Variants in MSRB3 observed in about 807,000 individuals in gnomAD.
MSRB3 encodes the protein methionine sulfoxide reductase B3, also known as methionine-R-sulfoxide reductase B3.
A neutral mutation model predicts 21.0 loss-of-function variants in MSRB3; 13 were observed. The ratio of observed to expected loss-of-function variants is 0.62; its 90% confidence interval spans 0.40 to 0.98. The LOEUF is 0.98. Ranked by LOEUF, MSRB3 falls within the 50% of genes least tolerant of loss-of-function variation. The pLI, the probability that MSRB3 is intolerant of heterozygous loss-of-function variation, is 0.00. For synonymous variants in MSRB3, 87 were observed against 88.6 expected, an observed-to-expected ratio of 0.98 and a Z score of 0.10; for missense variants, 199 against 230.3, an observed-to-expected ratio of 0.86 and a Z score of 0.88.
Position 65,281,400 on chromosome 12 carries a change from C to T in MSRB3, c.-52+2535C>T, listed in dbSNP as rs142985348. ...TTGTTTATGTAACTCTTCAGAGCCA[C>T]CTACTACATGTGGTTCAAACTTCTG... On this transcript the variant is annotated intron_variant, in intron 1 of 6. Coordinates refer to ENST00000308259, the MANE Select transcript of MSRB3 (RefSeq NM_001031679.3). Among the ~76,000 whole-genome samples the T allele has an allele frequency of 2.6e-3, 395 of 152,250 alleles. 4 individuals are homozygous for T. The highest frequency in any genetic ancestry group is 4.8e-3 in the Admixed American group (73 of 15,298).
intron 4 of MSRB3, 94 bp downstream of exon 4, chr12:65,328,697 T>A: frequency 2.4e-6 from 2 of 849,516 alleles, no homozygotes; most frequent in Non-Finnish European, 4.0e-6. Flanking sequence ...CATTGCTGAA[T>A]TTTCTTCTGT....
At chr12:65,279,159 C>A (rs1871847811) in intron 1 of MSRB3, 25 of 1,045,994 alleles carry the variant, frequency 2.4e-5, no homozygotes, top group Non-Finnish European at 2.9e-5. Context: ...GAACCTGAAC[C>A]CGCGGGAGCC....
At chr12:65,376,814 G>T (rs753096041) in intron 5 of MSRB3, among the ~76,000 whole-genome samples, 1 of 152,062 alleles carries the variant, frequency 6.6e-6, no homozygotes, top group Non-Finnish European at 1.5e-5. Flanking sequence ...ATTTATCCAA[G>T]AACTTAAAAT....
rs116790474 is a variant in MSRB3 at position 65,391,780 on chromosome 12, G to A, written c.292+22754G>A. ...ATATACTTAAAGAAGAAGCCAGAGT[G>A]CTGGAAGAGTTATCAATATAATTGT... is the stretch of plus-strand genomic sequence containing the variant. On this transcript the variant is annotated intron_variant, in intron 5 of 6. Transcript: ENST00000308259. Among the ~76,000 whole-genome samples the A allele has an allele frequency of 3.4e-3, 519 of 152,304 alleles. 1 individual carries two copies. The highest frequency in any genetic ancestry group is 0.012 in the African/African-American group (479 of 41,564).
intron 5 of MSRB3, among the ~76,000 whole-genome samples, chr12:65,445,187 T>G (rs1385804872): frequency 6.6e-6 from 1 of 152,082 alleles, no homozygotes; most frequent in Non-Finnish European, 1.5e-5. Flanking sequence ...ATCACCAAAA[T>G]CAGTAAACTT....
At chr12:65,460,383 G>A (rs1247417274) in intron 6 of MSRB3, among the ~76,000 whole-genome samples, 1 of 151,660 alleles carries the variant, frequency 6.6e-6, no homozygotes, top group African/African-American at 2.4e-5. Context: ...CAAAGAAACC[G>A]GGTAACAGTC....
At chr12:65,377,867 T>C (rs1392175728) in intron 5 of MSRB3, among the ~76,000 whole-genome samples, 1 of 152,190 alleles carries the variant, frequency 6.6e-6, no homozygotes, top group African/African-American at 2.4e-5. Context: ...AAGTAGCCAA[T>C]ATGCTTTCCT....
intron 1 of MSRB3, among the ~76,000 whole-genome samples, chr12:65,288,096 A>G (rs1213085932): frequency 6.6e-6 from 1 of 151,984 alleles, no homozygotes; most frequent in African/African-American, 2.4e-5. Flanking sequence ...CGAGGTCAAG[A>G]GATTGAGACC....
At chr12:65,398,417 A>T (rs1174214085) in intron 5 of MSRB3, among the ~76,000 whole-genome samples, 1 of 152,094 alleles carries the variant, frequency 6.6e-6, no homozygotes, top group East Asian at 1.9e-4. Flanking sequence ...TCTTTTGTGA[A>T]ATGTCTGTTC....
intron 1 of MSRB3, among the ~76,000 whole-genome samples, chr12:65,282,787 T>A (rs555170241): frequency 4.0e-5 from 6 of 151,220 alleles, no homozygotes; most frequent in Non-Finnish European, 8.8e-5. Context: ...TGATCCTAAA[T>A]TCCTGGGAGG....
At chr12:65,426,868 G>T (rs949407044) in intron 5 of MSRB3, among the ~76,000 whole-genome samples, 1 of 151,398 alleles carries the variant, frequency 6.6e-6, no homozygotes, top group Admixed American at 6.6e-5. Flanking sequence ...GTATTTTTTG[G>T]CTCCCTAATT....
intron 5 of MSRB3, among the ~76,000 whole-genome samples, chr12:65,396,704 A>AAAAGAAAGAAAG (rs752672139): frequency 0.054 from 2,909 of 53,512 alleles, 66 homozygotes; most frequent in African/African-American, 0.084. Context: ...AAAAAAAAAA[A>AAAAGAAAGAAAG]AAAGAAAGAA....
chr12:65,424,206 C>CT (rs998843757), intron 5 of MSRB3, among the ~76,000 whole-genome samples: 47 of 147,056 alleles, frequency 3.2e-4, no homozygotes, highest in African/African-American at 9.4e-4. Context: ...ATTTTGTTGT[C>CT]TTTTTTTTTT....
At chr12:65,377,771 A>G (rs1201092907) in intron 5 of MSRB3, among the ~76,000 whole-genome samples, 2 of 152,204 alleles carry the variant, frequency 1.3e-5, no homozygotes, top group African/African-American at 4.8e-5. Flanking sequence ...GCCAGAGTTG[A>G]CAATTTCCAG....
chr12:65,351,628 G>T (rs545063687), intron 4 of MSRB3, among the ~76,000 whole-genome samples: 24 of 148,274 alleles, frequency 1.6e-4, no homozygotes, highest in Admixed American at 1.3e-4. Flanking sequence ...TGATAAAGGG[G>T]ATATCACCAC....
At chr12:65,340,252 C>T (rs1210528917) in intron 4 of MSRB3, among the ~76,000 whole-genome samples, 3 of 152,010 alleles carry the variant, frequency 2.0e-5, no homozygotes, top group Non-Finnish European at 4.4e-5. Flanking sequence ...ATATTAGACA[C>T]ACAAGAAAGT....
chr12:65,290,255 A>T (rs1872599607), intron 1 of MSRB3, among the ~76,000 whole-genome samples: 1 of 152,204 alleles, frequency 6.6e-6, no homozygotes, highest in African/African-American at 2.4e-5. Flanking sequence ...TATCATCATG[A>T]TAAATCATAT....
intron 4 of MSRB3, among the ~76,000 whole-genome samples, chr12:65,366,319 A>G (rs1016902531): frequency 2.0e-5 from 3 of 152,196 alleles, no homozygotes; most frequent in Non-Finnish European, 4.4e-5. Context: ...AGGTACACAC[A>G]TGCTAGTAGT....
At chr12:65,339,042 A>G (rs893342642) in intron 4 of MSRB3, among the ~76,000 whole-genome samples, 12 of 152,210 alleles carry the variant, frequency 7.9e-5, no homozygotes, top group Non-Finnish European at 1.3e-4. Context: ...GTGACACTGG[A>G]TTCCAGCCTG....
Sources: gnomAD v4.1 joint callset for allele counts (sites outside exome capture counted in the v4.1 genomes callset) on GRCh38, gnomAD v4.1.1 for gene constraint, MANE v1.5 for transcripts, NCBI Gene and HGNC (gene_info 2026-07-23, HGNC 2026-07-21) for gene names.